Variants in XKR4 observed in about 807,000 individuals in gnomAD.
XKR4 encodes the protein XK-related protein 4.
XKR4 carries 12 observed loss-of-function variants against 53.9 expected under a neutral mutation model. The ratio of observed to expected loss-of-function variants is 0.22; its 90% CI spans 0.14 to 0.36. XKR4 has a LOEUF of 0.36. XKR4 is among the 10% of genes least tolerant of loss of function. The pLI, the probability that XKR4 is intolerant of heterozygous loss-of-function variation, is 1.00. For missense variants in XKR4, 799 were observed against 859.5 expected (o/e 0.93, Z 0.88); for synonymous variants, 354 against 362.4 (o/e 0.98, Z 0.26).
chr8:55,344,036 T>G (rs1205672231), intron 1 of XKR4, among the ~76,000 whole-genome samples: 4 of 152,168 alleles, frequency 2.6e-5, no homozygotes, highest in Non-Finnish European at 5.9e-5. Context: ...GGCACTTTGC[T>G]GGTGAAATCA....
At chr8:55,125,305 A>G (rs1816449345) in intron 1 of XKR4, among the ~76,000 whole-genome samples, 1 of 141,894 alleles carries the variant, frequency 7.0e-6, no homozygotes, top group Admixed American at 7.3e-5. Context: ...ATCTCAGCTC[A>G]CCGCAAACTC....
chr8:55,362,322 G>A lies in XKR4; in HGVS notation c.1006+4445G>A, dbSNP rs140825672. ...GCTCATGAACCCTGAATTAAGGGGT[G>A]TGTGTTAGAAAGGAAGTGCAAGAAA... On this transcript the variant is annotated intron_variant, in intron 2 of 2. Transcript: ENST00000327381. Among the ~76,000 whole-genome samples, 1,285 of 152,276 alleles carry A rather than the reference G, an allele frequency of 8.4e-3. 9 individuals carry two copies. Among genetic ancestry groups the A allele is most frequent in the Non-Finnish European group, 0.01 (701 of 68,012 alleles).
chr8:55,113,892 A>G (rs1441841087), intron 1 of XKR4, among the ~76,000 whole-genome samples: 1 of 152,162 alleles, frequency 6.6e-6, no homozygotes, highest in Non-Finnish European at 1.5e-5. Flanking sequence ...AGTTGCTGCA[A>G]AAGTCATGAT....
intron 1 of XKR4, among the ~76,000 whole-genome samples, chr8:55,180,284 TAC>T (rs1382664905): frequency 6.6e-6 from 1 of 152,222 alleles, no homozygotes; most frequent in Non-Finnish European, 1.5e-5. Flanking sequence ...AATATACCTT[TAC>T]ATGAATGAGC....
chr8:55,396,654 CA>C (rs1804523232), intron 2 of XKR4, among the ~76,000 whole-genome samples: 1 of 152,050 alleles, frequency 6.6e-6, no homozygotes, highest in African/African-American at 2.4e-5. Context: ...GACTTTAGGA[CA>C]GGGAGGTAAA....
At chr8:55,435,587 T>C (rs1353845564) in intron 2 of XKR4, among the ~76,000 whole-genome samples, 3 of 151,690 alleles carry the variant, frequency 2.0e-5, no homozygotes, top group Non-Finnish European at 4.4e-5. Context: ...TTTTTAATTT[T>C]GAGATGTGGT....
intron 1 of XKR4, among the ~76,000 whole-genome samples, chr8:55,225,454 A>G (rs1012216655): frequency 6.6e-6 from 1 of 152,246 alleles, no homozygotes; most frequent in Non-Finnish European, 1.5e-5. Context: ...TAATAGAATC[A>G]TTGCTATCAT....
At chr8:55,441,535 A>G (rs1278063635) in intron 2 of XKR4, among the ~76,000 whole-genome samples, 2 of 152,146 alleles carry the variant, frequency 1.3e-5, no homozygotes, top group African/African-American at 4.8e-5. Context: ...GGAACATTGC[A>G]CTCGACTCCA....
At chr8:55,221,251 C>A (rs16921425) in intron 1 of XKR4, among the ~76,000 whole-genome samples, 4 of 152,138 alleles carry the variant, frequency 2.6e-5, no homozygotes, top group Non-Finnish European at 5.9e-5. Flanking sequence ...TAAGATAAGC[C>A]GACAATGTGT....
At chr8:55,295,810 A>T (rs1003580842) in intron 1 of XKR4, among the ~76,000 whole-genome samples, 2 of 147,732 alleles carry the variant, frequency 1.4e-5, no homozygotes, top group African/African-American at 5.3e-5. Flanking sequence ...TGACGAGCTT[A>T]TAAATGGGGG....
At chr8:55,129,551 A>G (rs1211645148) in intron 1 of XKR4, among the ~76,000 whole-genome samples, 1 of 152,116 alleles carries the variant, frequency 6.6e-6, no homozygotes, top group African/African-American at 2.4e-5. Flanking sequence ...CCCAAGTAAG[A>G]GCCATTTTGC....
intron 2 of XKR4, among the ~76,000 whole-genome samples, chr8:55,473,677 G>A (rs1036914276): frequency 2.0e-5 from 3 of 152,062 alleles, no homozygotes; most frequent in African/African-American, 7.3e-5. Context: ...TCAGAACCAT[G>A]TCTTTGCATA....
chr8:55,171,020 C>A (rs184899657), intron 1 of XKR4, among the ~76,000 whole-genome samples: 2 of 152,248 alleles, frequency 1.3e-5, no homozygotes, highest in Admixed American at 6.5e-5. Flanking sequence ...TTATTACATA[C>A]CTTCTGGAAA....
intron 2 of XKR4, among the ~76,000 whole-genome samples, chr8:55,375,769 C>A (rs184353852): frequency 1.3e-5 from 2 of 150,716 alleles, no homozygotes; most frequent in Admixed American, 1.3e-4. Context: ...GCAGGATGTG[C>A]AGGTTTTTAT....
chr8:55,273,978 G>A (rs1030371784), intron 1 of XKR4, among the ~76,000 whole-genome samples: 2 of 152,096 alleles, frequency 1.3e-5, no homozygotes, highest in African/African-American at 4.8e-5. Context: ...TTCTGATTCT[G>A]AACTTTTGCT....
At chr8:55,451,991 C>A in intron 2 of XKR4, 2 of 773,814 alleles carry the variant, frequency 2.6e-6, no homozygotes, top group Non-Finnish European at 4.8e-6. Context: ...TGACATGCTG[C>A]CGCCCGATGG....
chr8:55,409,067 G>A (rs894224720), intron 2 of XKR4, among the ~76,000 whole-genome samples: 2 of 151,756 alleles, frequency 1.3e-5, no homozygotes, highest in Non-Finnish European at 2.9e-5. Flanking sequence ...GGGTCCAGGA[G>A]GCTCTGGTGT....
chr8:55,302,313 T>C (rs1287979672), intron 1 of XKR4, among the ~76,000 whole-genome samples: 3 of 152,066 alleles, frequency 2.0e-5, no homozygotes, highest in Non-Finnish European at 4.4e-5. Flanking sequence ...TGTAGATATG[T>C]GGCATTATTT....
intron 2 of XKR4, among the ~76,000 whole-genome samples, chr8:55,465,552 A>T (rs377299871): frequency 2.0e-5 from 3 of 151,764 alleles, no homozygotes; most frequent in South Asian, 2.1e-4. Context: ...AACCTAGGCA[A>T]TACCATTCAG....
Sources: gnomAD v4.1 joint callset for allele counts (sites outside exome capture counted in the v4.1 genomes callset) on GRCh38, gnomAD v4.1.1 for gene constraint, MANE v1.5 for transcripts, NCBI Gene and HGNC (gene_info 2026-07-23, HGNC 2026-07-21) for gene names.